Variants in IQCM observed in about 807,000 individuals in gnomAD.
IQCM encodes the protein IQ domain-containing protein M.
IQCM carries 45 observed loss-of-function variants against 57.6 expected under a neutral mutation model. The ratio of observed to expected loss-of-function variants is 0.78; its 90% CI spans 0.62 to 1.00. The LOEUF is 1.00. IQCM is among the 50% of genes least tolerant of loss of function. IQCM has a pLI of 0.00. For missense variants in IQCM, 468 were observed against 511.6 expected, an observed-to-expected ratio of 0.91 and a Z score of 0.82; for synonymous variants, 148 against 158.9, an observed-to-expected ratio of 0.93 and a Z score of 0.51.
chr4:149,798,659 C>A (rs144037269), intron 2 of IQCM, among the ~76,000 whole-genome samples: 1 of 151,916 alleles, frequency 6.6e-6, no homozygotes, highest in East Asian at 1.9e-4. Flanking sequence ...AAAAGATAGT[C>A]CATTCCAATA....
chr4:149,813,429 G>A (rs1192023277), intron 2 of IQCM, among the ~76,000 whole-genome samples: 1 of 152,022 alleles, frequency 6.6e-6, no homozygotes, highest in Non-Finnish European at 1.5e-5. Context: ...GAAGCAGGTG[G>A]ACAAGAAGTA....
At chr4:149,805,953 A>G (rs760477058) in intron 2 of IQCM, among the ~76,000 whole-genome samples, 2 of 151,954 alleles carry the variant, frequency 1.3e-5, no homozygotes, top group African/African-American at 4.8e-5. Context: ...TTGGTAGTGC[A>G]CAATGACAAG....
At chr4:149,784,497 G>C (rs1460377799) in intron 2 of IQCM, among the ~76,000 whole-genome samples, 2 of 152,128 alleles carry the variant, frequency 1.3e-5, no homozygotes, top group African/African-American at 4.8e-5. Context: ...CTCACTGCAA[G>C]CTCCGCCTCC....
At chr4:149,384,791 A>T (rs1284758195) in intron 13 of IQCM, among the ~76,000 whole-genome samples, 1 of 151,854 alleles carries the variant, frequency 6.6e-6, no homozygotes, top group Non-Finnish European at 1.5e-5. Flanking sequence ...CCAGTTATAA[A>T]CCTAAGAGAG....
intron 12 of IQCM, among the ~76,000 whole-genome samples, chr4:149,469,630 A>G (rs573555951): frequency 1.3e-5 from 2 of 152,314 alleles, no homozygotes; most frequent in African/African-American, 4.8e-5. Context: ...GAATGCCACA[A>G]AGATATTCCT....
At chr4:149,553,329 T>G (rs1749220442) in intron 10 of IQCM, 42 bp from the exon 11 acceptor site, 1 of 1,220,500 alleles carries the variant, frequency 8.2e-7, no homozygotes, top group Admixed American at 4.2e-5. Context: ...CTGGTATTTA[T>G]ATTTAATTTG....
intron 13 of IQCM, among the ~76,000 whole-genome samples, chr4:149,425,056 C>A (rs1734370664): frequency 6.6e-6 from 1 of 151,932 alleles, no homozygotes; most frequent in African/African-American, 2.4e-5. Context: ...TACTTAGCCT[C>A]TTTAGGAAAT....
At chr4:149,559,897 G>A (rs1185086996) in intron 10 of IQCM, among the ~76,000 whole-genome samples, 1 of 152,200 alleles carries the variant, frequency 6.6e-6, no homozygotes, top group Non-Finnish European at 1.5e-5. Flanking sequence ...GTCAGTGGCA[G>A]CATTAGATTC....
intron 7 of IQCM, among the ~76,000 whole-genome samples, chr4:149,668,361 A>G (rs1345221192): frequency 6.6e-6 from 1 of 152,206 alleles, no homozygotes; most frequent in Admixed American, 6.5e-5. Flanking sequence ...AAAACCCTTT[A>G]CAGACAAGCA....
At chr4:149,772,415 C>T (rs879666505) in intron 2 of IQCM, among the ~76,000 whole-genome samples, 30 of 152,118 alleles carry the variant, frequency 2.0e-4, no homozygotes, top group African/African-American at 5.5e-4. Flanking sequence ...CATACACGCA[C>T]CCCCCATTCA....
rs548876744 is a variant in IQCM at position 149,561,314 on chromosome 4, G to C, written c.948+2378C>G. On this transcript the variant is annotated intron_variant, in intron 10 of 13. Coordinates refer to ENST00000636793, the MANE Select transcript of IQCM (RefSeq NM_001363507.2). ...ATTTTTTAGATTCATTTTTGTGCCAGAGGTTATGAATGATTCTACAATTAT... is the reference window on the plus strand; with the variant it reads ...ATTTTTTAGATTCATTTTTGTGCCACAGGTTATGAATGATTCTACAATTAT... Among the ~76,000 whole-genome samples the C allele has an allele frequency of 5.9e-5, 9 of 152,138 alleles. No individual in the cohort carries two copies. In the South Asian group the frequency reaches 1.9e-3, roughly 32 times the overall value.
At chr4:149,510,348 T>C (rs537319189) in intron 12 of IQCM, among the ~76,000 whole-genome samples, 1 of 152,188 alleles carries the variant, frequency 6.6e-6, no homozygotes, top group Non-Finnish European at 1.5e-5. Flanking sequence ...ATTTAAAGAA[T>C]CTTTGTGTGG....
chr4:149,553,354 A>G, intron 10 of IQCM, 67 bp from the exon 11 acceptor site: 3 of 1,165,474 alleles, frequency 2.6e-6, no homozygotes, highest in Non-Finnish European at 1.1e-6. Flanking sequence ...CGCCTCTTTC[A>G]TTTAGTCTAT....
chr4:149,453,489 T>C (rs918248214), intron 12 of IQCM, among the ~76,000 whole-genome samples: 1 of 151,890 alleles, frequency 6.6e-6, no homozygotes, highest in Non-Finnish European at 1.5e-5. Context: ...AATGGACTTG[T>C]ATAAGGAATA....
At chr4:149,790,942 T>C (rs1165644727) in intron 2 of IQCM, among the ~76,000 whole-genome samples, 1 of 152,080 alleles carries the variant, frequency 6.6e-6, no homozygotes, top group African/African-American at 2.4e-5. Flanking sequence ...TGGAATTAGT[T>C]GGAAGAATAA....
At chr4:149,690,274 CA>C (rs1417192265) in intron 5 of IQCM, among the ~76,000 whole-genome samples, 3 of 152,082 alleles carry the variant, frequency 2.0e-5, no homozygotes, top group Non-Finnish European at 4.4e-5. Context: ...GCATTTGCAG[CA>C]ACCTGGATGA....
At chr4:149,753,653 C>T (rs1205439701) in intron 2 of IQCM, among the ~76,000 whole-genome samples, 2 of 151,354 alleles carry the variant, frequency 1.3e-5, no homozygotes, top group African/African-American at 2.4e-5. Context: ...ATGGGTGCAG[C>T]ACACCAACAT....
At chr4:149,806,596 C>T (rs1580345989) in intron 2 of IQCM, among the ~76,000 whole-genome samples, 1 of 151,850 alleles carries the variant, frequency 6.6e-6, no homozygotes, top group Non-Finnish European at 1.5e-5. Context: ...CTTTCTATGC[C>T]TAGAAATTGA....
intron 7 of IQCM, among the ~76,000 whole-genome samples, chr4:149,672,355 T>C (rs1463325839): frequency 2.0e-5 from 3 of 152,066 alleles, no homozygotes; most frequent in Non-Finnish European, 2.9e-5. Context: ...TTCGAACCCA[T>C]TGCAAAGAAG....
Sources: gnomAD v4.1 joint callset for allele counts (sites outside exome capture counted in the v4.1 genomes callset) on GRCh38, gnomAD v4.1.1 for gene constraint, MANE v1.5 for transcripts, NCBI Gene and HGNC (gene_info 2026-07-23, HGNC 2026-07-21) for gene names.